Variants in BCL2 observed in about 807,000 individuals in gnomAD.
BCL2 encodes apoptosis regulator Bcl-2.
A neutral mutation model predicts 14.2 loss-of-function variants in BCL2; 1 was observed. The ratio of observed to expected loss-of-function variants is 0.07; its 90% CI spans 0.02 to 0.33. The LOEUF (loss-of-function observed/expected upper bound fraction) is 0.33. BCL2 is among the 10% of genes least tolerant of loss of function. BCL2 has a pLI of 0.99. For missense variants in BCL2, 247 were observed against 305.9 expected (o/e 0.81, Z 1.44); for synonymous variants, 151 against 137.2 (o/e 1.10, Z -0.70).
intron 2 of BCL2, among the ~76,000 whole-genome samples, chr18:63,165,120 A>G (rs1171692622): frequency 6.6e-6 from 1 of 152,210 alleles, no homozygotes; most frequent in Non-Finnish European, 1.5e-5. Flanking sequence ...TATTAATTCA[A>G]TTCAGGTTCA....
At chr18:63,130,335 T>C (rs1229993511) in intron 2 of BCL2, among the ~76,000 whole-genome samples, 8 of 152,192 alleles carry the variant, frequency 5.3e-5, no homozygotes, top group Non-Finnish European at 1.0e-4. Context: ...GACATCGCTG[T>C]TGGGAGGGGC....
intron 2 of BCL2, among the ~76,000 whole-genome samples, chr18:63,156,423 C>T (rs1388693155): frequency 1.3e-5 from 2 of 152,164 alleles, no homozygotes; most frequent in African/African-American, 2.4e-5. Flanking sequence ...CACGACATGC[C>T]AGCGGAAACC....
At chr18:63,205,243 G>A (rs192767143) in intron 2 of BCL2, among the ~76,000 whole-genome samples, 4 of 152,208 alleles carry the variant, frequency 2.6e-5, no homozygotes, top group East Asian at 1.9e-4. Flanking sequence ...CGGAATAATC[G>A]TTTCTTTGTA....
intron 2 of BCL2, among the ~76,000 whole-genome samples, chr18:63,253,498 G>A (rs374197202): frequency 1.8e-4 from 27 of 152,140 alleles, no homozygotes; most frequent in African/African-American, 5.8e-4. Flanking sequence ...CCCAATCACC[G>A]CAGAGACTTT....
chr18:63,260,204 A>G lies in BCL2; in HGVS notation c.585+57878T>C, dbSNP rs1022317106. Among the ~76,000 whole-genome samples the G allele has an allele frequency of 1.4e-4, 21 of 152,336 alleles. 1 individual carries two copies. The South Asian group carries it at 3.9e-3, about 29-fold the overall frequency. On this transcript the variant is annotated intron_variant, in intron 2 of 2. Coordinates refer to ENST00000333681, the MANE Select transcript of BCL2 (RefSeq NM_000633.3). ...TAACAACACTGTAGCCTTCACTACA[A>G]TGCATAAGCATGAAACACCTAATTT...
At chr18:63,273,323 A>G (rs191803022) in intron 2 of BCL2, among the ~76,000 whole-genome samples, 3 of 152,328 alleles carry the variant, frequency 2.0e-5, no homozygotes, top group Admixed American at 6.5e-5. Context: ...AGAACTCCCA[A>G]GGCCGTTCTG....
rs1397512903 is a variant in BCL2 at position 63,198,327 on chromosome 18, G to A, written c.586-69568C>T. ...ACAGACACACACTGACACAGACACAGAGACACACACACAGACACAGAGACA... is the reference window on the plus strand; with the variant it reads ...ACAGACACACACTGACACAGACACAAAGACACACACACAGACACAGAGACA... On this transcript the variant is annotated intron_variant, in intron 2 of 2. Coordinates refer to ENST00000333681, the MANE Select transcript of BCL2 (RefSeq NM_000633.3). 5.6e-5 allele frequency among the ~76,000 whole-genome samples: 7 copies of A among 124,178 alleles called. No homozygotes were observed. In the South Asian group the frequency reaches 1.6e-3, roughly 28 times the overall value. 81.5% of individuals were successfully genotyped at this position (124,178 alleles called of 152,430 possible). A position where few individuals can be genotyped will look rare whatever the true frequency, so the allele number is the denominator to read the frequency against.
intron 2 of BCL2, among the ~76,000 whole-genome samples, chr18:63,277,544 C>T (rs892377734): frequency 6.7e-6 from 1 of 149,282 alleles, no homozygotes; most frequent in African/African-American, 2.5e-5. Flanking sequence ...AGGAGGATCA[C>T]TTGCCTGGGT....
chr18:63,132,226 C>T (rs1914088351), intron 2 of BCL2, among the ~76,000 whole-genome samples: 1 of 152,226 alleles, frequency 6.6e-6, no homozygotes, highest in African/African-American at 2.4e-5. Flanking sequence ...GCCTCATTTA[C>T]TTCATCCATA....
intron 2 of BCL2, among the ~76,000 whole-genome samples, chr18:63,150,173 G>T (rs186781984): frequency 3.3e-5 from 5 of 152,144 alleles, no homozygotes; most frequent in African/African-American, 1.2e-4. Flanking sequence ...GTGAGCCACC[G>T]CGCCCAGCCT....
At chr18:63,191,138 T>C (rs1467739120) in intron 2 of BCL2, among the ~76,000 whole-genome samples, 2 of 152,238 alleles carry the variant, frequency 1.3e-5, no homozygotes, top group Non-Finnish European at 1.5e-5. Flanking sequence ...GTCTTTGCGA[T>C]TGTGAATAGT....
intron 2 of BCL2, among the ~76,000 whole-genome samples, chr18:63,143,453 G>A (rs575154978): frequency 4.6e-5 from 7 of 152,334 alleles, no homozygotes; most frequent in African/African-American, 1.4e-4. Flanking sequence ...TACAAGGCCT[G>A]TCAGCATTGT....
At chr18:63,244,419 C>T (rs1359535016) in intron 2 of BCL2, among the ~76,000 whole-genome samples, 2 of 151,768 alleles carry the variant, frequency 1.3e-5, no homozygotes, top group Non-Finnish European at 2.9e-5. Context: ...ATTAGCCAGG[C>T]ATGGTGACGG....
At chr18:63,202,128 G>C (rs1251773123) in intron 2 of BCL2, among the ~76,000 whole-genome samples, 1 of 152,050 alleles carries the variant, frequency 6.6e-6, no homozygotes, top group African/African-American at 2.4e-5. Flanking sequence ...GGCGAACATG[G>C]TGAAACCCTG....
At chr18:63,201,171 G>T (rs934684541) in intron 2 of BCL2, among the ~76,000 whole-genome samples, 1 of 152,264 alleles carries the variant, frequency 6.6e-6, no homozygotes, top group Middle Eastern at 3.4e-3. Flanking sequence ...ACTCTTAACC[G>T]CAGGCTGAAT....
chr18:63,274,725 C>T (rs7242402), intron 2 of BCL2, among the ~76,000 whole-genome samples: 27,744 of 152,088 alleles, frequency 0.18, 2,779 homozygotes, highest in African/African-American at 0.23. Flanking sequence ...CCGCGGAGGA[C>T]CTAGTAAAAC....
intron 2 of BCL2, chr18:63,302,706 G>A (rs557057039): frequency 2.0e-6 from 2 of 985,196 alleles, no homozygotes; most frequent in East Asian, 1.1e-4. Context: ...AAATGAGAAA[G>A]TAGGGGGGAA....
In BCL2 at chr18:63,127,128, A is replaced by G. The variant is rs1371408072; in HGVS notation, c.*1497T>C. ...AGGTTTTCAAATAAAACCAAACTAC[A>G]GTGACAAGATAATGTTTTACATGTA... On this transcript the variant is annotated 3_prime_UTR_variant, in exon 3 of 3. Coordinates refer to ENST00000333681, the MANE Select transcript of BCL2 (RefSeq NM_000633.3). 1.7e-5 allele frequency: 4 copies of G among 229,006 alleles called. No homozygotes were observed. Among genetic ancestry groups the G allele is most frequent in the Non-Finnish European group, 2.6e-5 (3 of 115,524 alleles). The allele number at this position is 229,006 out of a possible 1,614,324, so 14.2% of individuals were successfully genotyped here.
chr18:63,236,943 G>A (rs1272484751), intron 2 of BCL2, among the ~76,000 whole-genome samples: 1 of 152,130 alleles, frequency 6.6e-6, no homozygotes, highest in Non-Finnish European at 1.5e-5. Flanking sequence ...TGTTTTTCAG[G>A]ATTTTTTCTT....
Sources: gnomAD v4.1 joint callset for allele counts (sites outside exome capture counted in the v4.1 genomes callset) on GRCh38, gnomAD v4.1.1 for gene constraint, MANE v1.5 for transcripts, NCBI Gene and HGNC (gene_info 2026-07-23, HGNC 2026-07-21) for gene names.